FAM193A: variants seen among roughly 807,000 people sequenced by gnomAD.
The protein encoded by FAM193A is family with sequence similarity 193 member A, also known as protein FAM193A.
Under a neutral mutation model 126.5 loss-of-function variants are expected in FAM193A, and 22 were observed. The observed-to-expected ratio is 0.17, with a 90% CI of 0.12 to 0.25. The LOEUF (loss-of-function observed/expected upper bound fraction) is 0.25. Among genes scored for constraint, FAM193A ranks in the 10% least tolerant of loss-of-function variants. The pLI is 1.00. For synonymous variants in FAM193A, 761 were observed against 646.8 expected (o/e 1.18, Z -2.68); for missense variants, 1,675 against 1,672.8 (o/e 1.00, Z -0.02).
intron 20 of FAM193A, among the ~76,000 whole-genome samples, chr4:2,731,184 G>A (rs1419680147): frequency 7.0e-5 from 8 of 114,382 alleles, no homozygotes; most frequent in Non-Finnish European, 1.0e-4. Flanking sequence ...TGACAAGAGC[G>A]AAACTCCTTC....
At chr4:2,694,293 A>G (rs1307622974) in intron 16 of FAM193A, among the ~76,000 whole-genome samples, 1 of 152,058 alleles carries the variant, frequency 6.6e-6, no homozygotes, top group Admixed American at 6.5e-5. Context: ...TCTCTGAGAC[A>G]GAGTCTCACT....
chr4:2,581,878 C>T (rs1739961704), intron 1 of FAM193A, among the ~76,000 whole-genome samples: 1 of 152,066 alleles, frequency 6.6e-6, no homozygotes, highest in South Asian at 2.1e-4. Context: ...TGGTCTCAGT[C>T]TCCTGACCTC....
Position 2,695,795 on chromosome 4 carries a change from A to G in FAM193A, c.3277-568A>G, listed in dbSNP as rs536363045. On this transcript the variant is annotated intron_variant, in intron 17 of 20. Coordinates refer to ENST00000637812, the MANE Select transcript of FAM193A (RefSeq NM_001366318.2). ...GTTAAATAACAGGTAGAGGCCAAGC[A>G]TAGTGGCTTATGCCTGTAATAGCAG... 2.5e-4 allele frequency among the ~76,000 whole-genome samples: 38 copies of G among 152,214 alleles called. 1 individual carries two copies. Among genetic ancestry groups the G allele is most frequent in the Non-Finnish European group, 4.3e-4 (29 of 68,046 alleles).
intron 20 of FAM193A, among the ~76,000 whole-genome samples, chr4:2,721,094 A>G (rs1361314574): frequency 1.3e-5 from 2 of 152,078 alleles, no homozygotes; most frequent in Non-Finnish European, 2.9e-5. Flanking sequence ...CAGGTGGATC[A>G]CGAGGCCAGG....
intron 19 of FAM193A, 82 bp downstream of exon 19, chr4:2,700,626 G>A (rs1398741670): frequency 9.2e-6 from 14 of 1,514,018 alleles, no homozygotes; most frequent in Middle Eastern, 2.4e-4. Context: ...AAAACACTGG[G>A]TTTGGCATGC....
At chr4:2,728,120 A>G (rs2109433476) in intron 20 of FAM193A, among the ~76,000 whole-genome samples, 1 of 151,788 alleles carries the variant, frequency 6.6e-6, no homozygotes, top group Non-Finnish European at 1.5e-5. Context: ...TAGTAGAGGC[A>G]GGGTTTCTCC....
chr4:2,690,737 C>G lies in FAM193A; in HGVS notation c.2570C>G (p.Pro857Arg), dbSNP rs778267134. Residue 857 changes from proline (P) to arginine (R), a missense_variant, in exon 15 of 21, where the codon CCG becomes CGG. Around this residue, in one of 4 missense-constraint regions of FAM193A, gnomAD observed 1,186 missense variants for 1,109.2 expected, o/e 1.07. Transcript: ENST00000637812. ...ILGPTLSETR[P>R]EALPPPSSNE... ...GGGCCAACACTCTCAGAAACAAGAC[C>G]GGAAGCCCTTCCACCTCCATCTAGC... The G allele has an allele frequency of 6.2e-7, 1 of 1,613,918 alleles. No individual in the cohort carries two copies. Among genetic ancestry groups the G allele is most frequent in the Non-Finnish European group, 8.5e-7 (1 of 1,179,948 alleles).
At chr4:2,608,171 C>T (rs549842964) in intron 2 of FAM193A, 2 of 1,554,596 alleles carry the variant, frequency 1.3e-6, no homozygotes, top group South Asian at 2.3e-5. Context: ...ATTTAAAATA[C>T]CAAGAGGACT....
chr4:2,695,674 G>T (rs1716952516), intron 17 of FAM193A, among the ~76,000 whole-genome samples: 1 of 152,134 alleles, frequency 6.6e-6, no homozygotes, highest in Non-Finnish European at 1.5e-5. Context: ...TTGGCAGTAG[G>T]ATTCAGGGCT....
In FAM193A at chr4:2,659,872, C is replaced by A. The variant is rs541390001; in HGVS notation, c.1563C>A (p.Pro521=). 6.2e-7 allele frequency: 1 copy of A among 1,614,062 alleles called. No individual in the cohort carries two copies. Among genetic ancestry groups the A allele is most frequent in the Non-Finnish European group, 8.5e-7 (1 of 1,179,930 alleles). Residue 521 remains proline, a synonymous_variant, in exon 10 of 21, where the codon CCC becomes CCA. Transcript: ENST00000637812. ...HILTCGIMDP[P]VTDDIHIHQL... ...TCACGTGTGGTATCATGGACCCCCC[C>A]GTCACTGATGACATCCACATTCACC... is the stretch of plus-strand genomic sequence containing the variant.
chr4:2,721,377 A>ACT (rs1216458529), intron 20 of FAM193A, among the ~76,000 whole-genome samples: 9 of 150,884 alleles, frequency 6.0e-5, no homozygotes, highest in Non-Finnish European at 1.5e-5. Flanking sequence ...AGTCCCAGCT[A>ACT]CTCAGGAAAT....
At chr4:2,713,714 G>T (rs933658286) in intron 19 of FAM193A, among the ~76,000 whole-genome samples, 1 of 152,156 alleles carries the variant, frequency 6.6e-6, no homozygotes, top group African/African-American at 2.4e-5. Context: ...TACTACAACA[G>T]GGCTCCCGCT....
At chr4:2,604,278 T>A (rs902254178) in intron 2 of FAM193A, among the ~76,000 whole-genome samples, 26 of 152,348 alleles carry the variant, frequency 1.7e-4, no homozygotes, top group South Asian at 4.1e-4. Context: ...GTTACTTTTT[T>A]AAATTATTCT....
chr4:2,700,605 G>T (rs1717609622), intron 19 of FAM193A, 61 bp downstream of exon 19: 1 of 1,551,054 alleles, frequency 6.4e-7, no homozygotes. Flanking sequence ...TGTGTGATGT[G>T]CTAGTATAGG....
rs1387225229 is a variant in FAM193A at position 2,537,081 on chromosome 4, G to T, written c.166G>T (p.Ala56Ser). Residue 56 changes from alanine (A) to serine (S), a missense_variant, in exon 1 of 21, where the codon GCA (alanine) becomes TCA (serine). By Grantham distance (99) the Ala-to-Ser change is moderately conservative. Around this residue, in one of 4 missense-constraint regions of FAM193A, gnomAD observed 1,186 missense variants for 1,109.2 expected, o/e 1.07. Transcript: ENST00000637812. Reference protein sequence around the residue: ...AAGLAAPGSAAGLVGGAAAAN... With the variant: ...AAGLAAPGSASGLVGGAAAAN... ...GGGCCTGGCGGCCCCGGGCAGCGCGGCAGGCCTGGTGGGCGGCGCGGCGGC... is the reference window on the plus strand; with the variant it reads ...GGGCCTGGCGGCCCCGGGCAGCGCGTCAGGCCTGGTGGGCGGCGCGGCGGC... 1.4e-5 allele frequency: 2 copies of T among 147,494 alleles called. No individual in the cohort carries two copies. Among genetic ancestry groups the T allele is most frequent in the Non-Finnish European group, 3.0e-5 (2 of 66,308 alleles). The allele number at this position is 147,494 out of a possible 1,614,324, so 9.1% of individuals were successfully genotyped here.
intron 13 of FAM193A, among the ~76,000 whole-genome samples, chr4:2,679,364 T>C (rs991732789): frequency 2.0e-5 from 3 of 150,514 alleles, no homozygotes; most frequent in Admixed American, 6.6e-5. Flanking sequence ...TACTCGTTTG[T>C]AGTTTTCTTT....
Position 2,639,761 on chromosome 4 carries a change from A to C in FAM193A, c.1065A>C (p.Gln355His), listed in dbSNP as rs1343637294. 1.2e-6 allele frequency: 2 copies of C among 1,612,616 alleles called. No individual in the cohort carries two copies. Among genetic ancestry groups the C allele is most frequent in the African/African-American group, 1.3e-5 (1 of 74,884 alleles). The change falls in exon 6 of 21, where the codon CAA becomes CAC. Residue 355 changes from glutamine to histidine, a missense_variant. By Grantham distance (24) the Gln-to-His change is conservative. Transcript: ENST00000637812. ...TLENEHLKKF[Q>H]VTWELHNKHL... ...AAAATGAACACTTGAAAAAGTTCCA[A>C]GTGACGTGGGAACTGCATAATAAAC...
At chr4:2,544,120 TC>T (rs1204690990) in intron 1 of FAM193A, among the ~76,000 whole-genome samples, 46 of 152,274 alleles carry the variant, frequency 3.0e-4, no homozygotes, top group African/African-American at 9.6e-4. Flanking sequence ...ATGTAGAACT[TC>T]CTGTGTCTTA....
At chr4:2,561,053 C>G (rs1629706) in intron 1 of FAM193A, among the ~76,000 whole-genome samples, 150,059 of 152,396 alleles carry the variant, frequency 0.98, 73,911 homozygotes, top group Middle Eastern at 1. Context: ...CCTCCTGACT[C>G]TTGCTTTGCT....
Sources: allele counts gnomAD v4.1 joint callset (sites outside exome capture counted in the v4.1 genomes callset), GRCh38; gene constraint gnomAD v4.1.1; regional missense constraint gnomAD v4.1.1; transcripts MANE v1.5; gene names NCBI Gene and HGNC (gene_info 2026-07-23, HGNC 2026-07-21).